CYSTM1: variants seen among roughly 807,000 people sequenced by gnomAD.
The protein encoded by CYSTM1 is cysteine rich transmembrane module containing 1, also known as cysteine-rich transmembrane module-containing protein 1.
A neutral mutation model predicts 13.1 loss-of-function variants in CYSTM1; 4 were observed. The observed-to-expected ratio is 0.31, with a 90% CI of 0.15 to 0.70. The LOEUF is 0.70. CYSTM1 is among the 30% of genes least tolerant of loss of function. The pLI, the probability that CYSTM1 is intolerant of heterozygous loss-of-function variation, is 0.72. For missense variants in CYSTM1, 96 were observed against 121.6 expected (o/e 0.79, Z 0.99); for synonymous variants, 36 against 42.7 (o/e 0.84, Z 0.62).
chr5:140,227,264 G>A (rs559296400), intron 2 of CYSTM1, among the ~76,000 whole-genome samples: 3 of 152,270 alleles, frequency 2.0e-5, no homozygotes, highest in Non-Finnish European at 2.9e-5. Context: ...TGGTGTGAAG[G>A]GCCAGGGGTT....
Position 140,230,965 on chromosome 5 carries a change from T to C in CYSTM1, c.188-12340T>C, listed in dbSNP as rs1764611286. Reference sequence around the variant, plus strand: ...GCTTTCTCGGCCTTTTACTGTTTCATCTACATTTTAGAATGTGTGTTAGTT... The same window carrying C: ...GCTTTCTCGGCCTTTTACTGTTTCACCTACATTTTAGAATGTGTGTTAGTT... On this transcript the variant is annotated intron_variant, in intron 2 of 2. Transcript: ENST00000261811. This position sits in a 1 kb window ranked among gnomAD's most constrained non-coding sequence, Gnocchi z 4.1. Among the ~76,000 whole-genome samples the C allele has an allele frequency of 6.6e-6, 1 of 152,246 alleles. No individual in the cohort carries two copies. The highest frequency in any genetic ancestry group is 1.5e-5 in the Non-Finnish European group (1 of 68,044).
chr5:140,238,459 C>G (rs978451050), intron 2 of CYSTM1, among the ~76,000 whole-genome samples: 21 of 152,192 alleles, frequency 1.4e-4, no homozygotes, highest in African/African-American at 5.1e-4. Context: ...CCTGGTCATC[C>G]TTCGCCCTAT....
At chr5:140,238,358 TCAAA>T (rs1294887733) in intron 2 of CYSTM1, among the ~76,000 whole-genome samples, 1 of 152,168 alleles carries the variant, frequency 6.6e-6, no homozygotes, top group African/African-American at 2.4e-5. Flanking sequence ...ATCTTACCCT[TCAAA>T]CAGTCTGATG....
intron 2 of CYSTM1, among the ~76,000 whole-genome samples, chr5:140,242,596 T>C (rs1370847371): frequency 6.6e-6 from 1 of 152,162 alleles, no homozygotes; most frequent in Non-Finnish European, 1.5e-5. Context: ...TAGTGGGTAG[T>C]TGGGGTCCTT....
At chr5:140,208,145 G>A (rs962440735) in intron 2 of CYSTM1, among the ~76,000 whole-genome samples, 2 of 152,194 alleles carry the variant, frequency 1.3e-5, no homozygotes, top group Non-Finnish European at 2.9e-5. Context: ...GCACTCTCAT[G>A]TTTGTTGCAG....
rs1764725492 is a variant in CYSTM1 at position 140,239,831 on chromosome 5, G to A, written c.188-3474G>A. Among the ~76,000 whole-genome samples, 1 of 152,220 alleles carries A rather than the reference G, an allele frequency of 6.6e-6. No individual in the cohort carries two copies. Among genetic ancestry groups the A allele is most frequent in the African/African-American group, 2.4e-5 (1 of 41,456 alleles). On this transcript the variant is annotated intron_variant, in intron 2 of 2. Coordinates refer to ENST00000261811, the MANE Select transcript of CYSTM1 (RefSeq NM_032412.4). The surrounding 1 kb of genome is among the most constrained non-coding windows in gnomAD (Gnocchi z 5.4). ...CTGCGGGCAAGAGAGGCAAGCCAGT[G>A]CAGGGTCCCCTGGACCTGACCCCCA...
At chr5:140,194,795 G>A in intron 2 of CYSTM1, 143 bp downstream of exon 2, 1 of 1,059,512 alleles carries the variant, frequency 9.4e-7, no homozygotes, top group South Asian at 1.6e-5. Flanking sequence ...GCTTAGGGTG[G>A]ATTCTCACTC....
Position 140,194,779 on chromosome 5 carries a change from A to G in CYSTM1, c.187+127A>G, listed in dbSNP as rs1036244149. On this transcript the variant is annotated intron_variant, in intron 2 of 2. Coordinates refer to ENST00000261811, the MANE Select transcript of CYSTM1 (RefSeq NM_032412.4). ...TTGTGCTTGATGTCCCCAAAGCTTG[A>G]TGATGGCTTAGGGTGGATTCTCACT... 3 of 1,191,734 alleles carry G rather than the reference A, an allele frequency of 2.5e-6. No individual in the cohort carries two copies. In the African/African-American group the frequency reaches 4.7e-5, roughly 19 times the overall value. 73.8% of individuals were successfully genotyped at this position (1,191,734 alleles called of 1,614,324 possible). A position where few individuals can be genotyped will look rare whatever the true frequency, so the allele number is the denominator to read the frequency against.
At chr5:140,234,867 C>T (rs918085601) in intron 2 of CYSTM1, among the ~76,000 whole-genome samples, 2 of 152,164 alleles carry the variant, frequency 1.3e-5, no homozygotes, top group Non-Finnish European at 2.9e-5. Context: ...GTCTTTACAC[C>T]GTCATCACAG....
intron 1 of CYSTM1, among the ~76,000 whole-genome samples, chr5:140,187,323 G>A (rs1581058869): frequency 1.3e-5 from 2 of 151,074 alleles, no homozygotes; most frequent in African/African-American, 4.9e-5. Context: ...AAAAGACACC[G>A]AGGTCTCTAG....
intron 2 of CYSTM1, among the ~76,000 whole-genome samples, chr5:140,236,164 T>G (rs1764677733): frequency 6.6e-6 from 1 of 152,242 alleles, no homozygotes. Context: ...TCCTCAGGTT[T>G]ACAAAAATAA....
intron 2 of CYSTM1, among the ~76,000 whole-genome samples, chr5:140,197,359 A>G (rs955000498): frequency 6.6e-6 from 1 of 152,242 alleles, no homozygotes; most frequent in Non-Finnish European, 1.5e-5. Flanking sequence ...CAGTGTTACC[A>G]ATCACGATTG....
At chr5:140,221,148 G>T (rs1764483701) in intron 2 of CYSTM1, among the ~76,000 whole-genome samples, 1 of 152,048 alleles carries the variant, frequency 6.6e-6, no homozygotes. Context: ...CTCCAGACTG[G>T]GTGACACAGC....
chr5:140,208,613 T>C (rs1764326306), intron 2 of CYSTM1, among the ~76,000 whole-genome samples: 2 of 152,162 alleles, frequency 1.3e-5, no homozygotes, highest in South Asian at 4.1e-4. Context: ...AAAGGATAAA[T>C]ACTTGAGGGA....
At chr5:140,209,002 GCACTC>G (rs891088424) in intron 2 of CYSTM1, among the ~76,000 whole-genome samples, 2 of 149,370 alleles carry the variant, frequency 1.3e-5, no homozygotes, top group Admixed American at 1.3e-4. Flanking sequence ...TCACGCCACT[GCACTC>G]CAGCCTGGGT....
rs997987146 is a variant in CYSTM1 at position 140,175,492 on chromosome 5, C to T, written c.-21+207C>T. Among the ~76,000 whole-genome samples the T allele has an allele frequency of 1.3e-5, 2 of 152,094 alleles. No homozygotes were observed. Among genetic ancestry groups the T allele is most frequent in the South Asian group, 2.1e-4 (1 of 4,830 alleles). On this transcript the variant is annotated intron_variant, in intron 1 of 2. Coordinates refer to ENST00000261811, the MANE Select transcript of CYSTM1 (RefSeq NM_032412.4). This position sits in a 1 kb window ranked among gnomAD's most constrained non-coding sequence, Gnocchi z 4.9. Reference sequence around the variant, plus strand: ...CCGCCAGCTGGATCCCTCCCGGCGCCCCGCGGCTACTCTGGGGCTCCTGGT... The same window carrying T: ...CCGCCAGCTGGATCCCTCCCGGCGCTCCGCGGCTACTCTGGGGCTCCTGGT...
intron 2 of CYSTM1, among the ~76,000 whole-genome samples, chr5:140,198,882 T>A (rs1764185147): frequency 6.6e-6 from 1 of 152,218 alleles, no homozygotes; most frequent in Non-Finnish European, 1.5e-5. Context: ...GTTACATAGG[T>A]ATGCATGTGC....
intron 2 of CYSTM1, among the ~76,000 whole-genome samples, chr5:140,233,205 A>G (rs1475555413): frequency 1.8e-4 from 28 of 152,072 alleles, no homozygotes; most frequent in Admixed American, 1.8e-3. Flanking sequence ...GGTCTTTGGG[A>G]TTTTGCAGTG....
intron 2 of CYSTM1, among the ~76,000 whole-genome samples, chr5:140,223,953 G>A (rs1764520018): frequency 6.6e-6 from 1 of 152,166 alleles, no homozygotes; most frequent in South Asian, 2.1e-4. Context: ...AAAGGCTGAG[G>A]GAGCTGAGAG....
Sources: allele counts gnomAD v4.1 joint callset (sites outside exome capture counted in the v4.1 genomes callset), GRCh38; gene constraint gnomAD v4.1.1; non-coding constraint Gnocchi (gnomAD v3.1); transcripts MANE v1.5; gene names NCBI Gene and HGNC (gene_info 2026-07-23, HGNC 2026-07-21).